The following C12orf56 variants were observed in gnomAD, a reference collection of about 807,000 sequenced individuals.
C12orf56 encodes the protein chromosome 12 open reading frame 56.
Under a neutral mutation model 69.9 loss-of-function variants are expected in C12orf56, and 71 were observed. The ratio of observed to expected loss-of-function variants is 1.02; its 90% confidence interval spans 0.84 to 1.24. The LOEUF (loss-of-function observed/expected upper bound fraction) is 1.24, where lower values mean the gene tolerates loss of function less well. Ranked by LOEUF, C12orf56 falls within the 50% of genes most tolerant of loss-of-function variation. The probability of loss-of-function intolerance (pLI) is 0.00; values close to 1 mark genes in which losing one functional copy is unlikely to be tolerated. For synonymous variants in C12orf56, 276 were observed against 274.1 expected (o/e 1.01, Z -0.07); for missense variants, 732 against 738.5 (o/e 0.99, Z 0.10).
intron 4 of C12orf56, among the ~76,000 whole-genome samples, chr12:64,316,909 A>G (rs968980481): frequency 6.6e-6 from 1 of 152,218 alleles, no homozygotes; most frequent in Non-Finnish European, 1.5e-5. Context: ...GAGTCCGCCA[A>G]TCTGAATGCT....
At chr12:64,277,362 A>C (rs1162467302) in intron 9 of C12orf56, among the ~76,000 whole-genome samples, 1 of 152,184 alleles carries the variant, frequency 6.6e-6, no homozygotes, top group African/African-American at 2.4e-5. Context: ...CATGTTTTGT[A>C]CACAGACAGA....
intron 4 of C12orf56, among the ~76,000 whole-genome samples, chr12:64,315,351 A>G: frequency 7.0e-6 from 1 of 142,798 alleles, no homozygotes; most frequent in Admixed American, 7.0e-5. Context: ...CTCTCCAAAT[A>G]TTTACATTTT....
intron 1 of C12orf56, among the ~76,000 whole-genome samples, chr12:64,379,051 CAAAA>C (rs59633826): frequency 2.5e-5 from 3 of 121,504 alleles, no homozygotes; most frequent in African/African-American, 5.7e-5. Context: ...AACCCTGTCT[CAAAA>C]AAAAAAAAAA....
chr12:64,276,005 C>CT (rs1491460831), intron 9 of C12orf56, among the ~76,000 whole-genome samples: 7 of 128,588 alleles, frequency 5.4e-5, no homozygotes, highest in Non-Finnish European at 9.3e-5. Flanking sequence ...ATACACACCC[C>CT]CCCCCGCGAG....
intron 8 of C12orf56, among the ~76,000 whole-genome samples, chr12:64,279,453 T>C (rs890554909): frequency 3.9e-5 from 6 of 152,152 alleles, no homozygotes; most frequent in Non-Finnish European, 7.3e-5. Context: ...TCAGAGTAGA[T>C]TTGAGGGGTA....
At chr12:64,319,826 C>T (rs1261746631) in intron 3 of C12orf56, among the ~76,000 whole-genome samples, 1 of 152,220 alleles carries the variant, frequency 6.6e-6, no homozygotes, top group African/African-American at 2.4e-5. Context: ...TAAACCCAGG[C>T]ATTTGAGCCA....
chr12:64,319,620 G>A (rs527963091), intron 3 of C12orf56, among the ~76,000 whole-genome samples: 31 of 152,244 alleles, frequency 2.0e-4, no homozygotes, highest in African/African-American at 7.0e-4. Context: ...TCCCTAGGCC[G>A]ACTAAGAATC....
At chr12:64,286,246 C>A (rs1255688447) in intron 6 of C12orf56, among the ~76,000 whole-genome samples, 186 bp from the exon 7 acceptor site, 1 of 152,104 alleles carries the variant, frequency 6.6e-6, no homozygotes. Context: ...CCCAAGAGAC[C>A]ACTGTGCTGG....
chr12:64,354,561 G>A (rs894107147), intron 1 of C12orf56, among the ~76,000 whole-genome samples: 7 of 151,908 alleles, frequency 4.6e-5, no homozygotes, highest in East Asian at 1.9e-4. Flanking sequence ...AGGTACAAGC[G>A]ATTCTCCTGC....
At chr12:64,310,875 C>T (rs1444364011) in intron 5 of C12orf56, among the ~76,000 whole-genome samples, 1 of 151,948 alleles carries the variant, frequency 6.6e-6, no homozygotes, top group Admixed American at 6.6e-5. Context: ...CCCCTTCCCC[C>T]ACCCCACAAC....
At position 64,380,138 on chromosome 12, in the gene C12orf56, AAC is replaced by A. The variant is rs1289326436; in HGVS notation, c.252+10174_252+10175del. On this transcript the variant is annotated intron_variant, in intron 1 of 12. Transcript: ENST00000543942. ...AAAAAAAAAAAAAAAAAAAAAACAA[AAC>A]AAACAAAAAAAAACGCACAATGCAG... Among the ~76,000 whole-genome samples, 308 of 43,894 alleles carry A rather than the reference AAC, an allele frequency of 7.0e-3. 21 individuals are homozygous for A. The highest frequency in any genetic ancestry group is 0.03 in the Admixed American group (113 of 3,770). 28.8% of individuals were successfully genotyped at this position (43,894 alleles called of 152,430 possible).
At chr12:64,316,588 CATAAAG>C (rs1490441442) in intron 4 of C12orf56, among the ~76,000 whole-genome samples, 1 of 152,038 alleles carries the variant, frequency 6.6e-6, no homozygotes, top group Non-Finnish European at 1.5e-5. Flanking sequence ...TCTACCAACT[CATAAAG>C]ATAGTCTTCC....
intron 1 of C12orf56, among the ~76,000 whole-genome samples, chr12:64,360,951 G>T (rs1298544141): frequency 6.6e-6 from 1 of 152,156 alleles, no homozygotes; most frequent in African/African-American, 2.4e-5. Context: ...GACAGATGTG[G>T]TGTCATGCCT....
intron 5 of C12orf56, among the ~76,000 whole-genome samples, chr12:64,308,443 C>T (rs952501694): frequency 6.6e-6 from 1 of 152,002 alleles, no homozygotes; most frequent in Non-Finnish European, 1.5e-5. Context: ...TGTTATGTTT[C>T]TTAAGTCTTT....
intron 1 of C12orf56, 65 bp downstream of exon 1, chr12:64,390,249 T>C: frequency 1.3e-6 from 2 of 1,509,380 alleles, no homozygotes; most frequent in Non-Finnish European, 1.8e-6. Flanking sequence ...AGGGCTGGGT[T>C]TGGGGGCCCC....
At chr12:64,313,538 C>T (rs2038650641) in intron 4 of C12orf56, among the ~76,000 whole-genome samples, 1 of 150,498 alleles carries the variant, frequency 6.6e-6, no homozygotes, top group East Asian at 2.0e-4. Context: ...CAGAGCAAGA[C>T]CTTGTGTCTA....
intron 12 of C12orf56, among the ~76,000 whole-genome samples, chr12:64,268,069 C>T (rs921380021): frequency 8.5e-5 from 13 of 152,218 alleles, no homozygotes; most frequent in Middle Eastern, 3.4e-3. Flanking sequence ...CAAATGATTT[C>T]GGATTTTGGA....
At chr12:64,346,521 G>A (rs981671527) in intron 2 of C12orf56, among the ~76,000 whole-genome samples, 2 of 152,120 alleles carry the variant, frequency 1.3e-5, no homozygotes, top group African/African-American at 2.4e-5. Context: ...AATCATCATA[G>A]TGCCCAACCC....
At chr12:64,321,036 A>C (rs1474745298) in intron 3 of C12orf56, among the ~76,000 whole-genome samples, 1 of 152,208 alleles carries the variant, frequency 6.6e-6, no homozygotes, top group Non-Finnish European at 1.5e-5. Flanking sequence ...CCACTTCTAG[A>C]ATCACAAATA....
Sources: allele counts gnomAD v4.1 joint callset (sites outside exome capture counted in the v4.1 genomes callset), GRCh38; gene constraint gnomAD v4.1.1; transcripts MANE v1.5; gene names NCBI Gene and HGNC (gene_info 2026-07-23, HGNC 2026-07-21).